Variants in SLC44A1 observed in about 807,000 individuals in gnomAD.
SLC44A1 encodes solute carrier family 44 member 1.
Under a neutral mutation model 79.3 loss-of-function variants are expected in SLC44A1, and 26 were observed. The observed-to-expected ratio is 0.33, with a 90% CI of 0.24 to 0.46. The LOEUF (loss-of-function observed/expected upper bound fraction) is 0.46, where lower values mean the gene tolerates loss of function less well. Ranked by LOEUF, SLC44A1 falls within the 20% of genes least tolerant of loss-of-function variation. The pLI is 1.00. For synonymous variants in SLC44A1, 263 were observed against 286.2 expected, an observed-to-expected ratio of 0.92 and a Z score of 0.82; for missense variants, 688 against 798.1, an observed-to-expected ratio of 0.86 and a Z score of 1.66.
At chr9:105,247,839 G>A (rs897595458) in intron 1 of SLC44A1, among the ~76,000 whole-genome samples, 1 of 152,200 alleles carries the variant, frequency 6.6e-6, no homozygotes, top group Non-Finnish European at 1.5e-5. Flanking sequence ...CCCATCTACT[G>A]TTTGTAAATT....
In SLC44A1 at chr9:105,397,125, G is replaced by A; in HGVS notation, c.*8069G>A. 1.0e-6 allele frequency: 1 copy of A among 985,374 alleles called. No homozygotes were observed. The allele number at this position is 985,374 out of a possible 1,614,324, so 61.0% of individuals were successfully genotyped here. ...ATTAACTTCCAAGAGCTCTGAATTG[G>A]ATGGAATTCCATCTGGCTTCAGAGA... On this transcript the variant is annotated 3_prime_UTR_variant, in exon 16 of 16. Coordinates refer to ENST00000374720, the MANE Select transcript of SLC44A1 (RefSeq NM_080546.5).
At chr9:105,408,686 C>T (rs1451798962) in intron 15 of SLC44A1, among the ~76,000 whole-genome samples, 1 of 152,208 alleles carries the variant, frequency 6.6e-6, no homozygotes, top group African/African-American at 2.4e-5. Context: ...GCTGGGATTA[C>T]AGGCGTGAGC....
intron 1 of SLC44A1, among the ~76,000 whole-genome samples, chr9:105,251,036 C>T (rs1829572262): frequency 6.6e-6 from 1 of 152,140 alleles, no homozygotes; most frequent in South Asian, 2.1e-4. Flanking sequence ...GTAATTTCAT[C>T]CCTCGTATGG....
chr9:105,287,380 A>G lies in SLC44A1; in HGVS notation c.37-11840A>G, dbSNP rs1363190107. Among the ~76,000 whole-genome samples, 5 of 152,218 alleles carry G rather than the reference A, an allele frequency of 3.3e-5. No homozygotes were observed. In the East Asian group the frequency reaches 5.8e-4, roughly 18 times the overall value. On this transcript the variant is annotated intron_variant, in intron 1 of 15. Transcript: ENST00000374720. ...TTACTATTAATTTGTTTCTTACACA[A>G]TTGTCTATAAAACTGTGTACTCATT...
intron 13 of SLC44A1, among the ~76,000 whole-genome samples, chr9:105,380,408 C>T (rs1032419779): frequency 2.0e-5 from 3 of 151,850 alleles, no homozygotes; most frequent in African/African-American, 4.8e-5. Flanking sequence ...TCTTGAAGTC[C>T]TGGGCTCAAG....
Position 105,348,459 on chromosome 9 carries a change from T to G in SLC44A1, c.500+8T>G. 1 of 1,536,862 alleles carries G rather than the reference T, an allele frequency of 6.5e-7. No homozygotes were observed. The highest frequency in any genetic ancestry group is 1.1e-5 in the South Asian group (1 of 89,364). ...ACTACCAGTTCCAGCGAGGTAAATT[T>G]TATTGCAAAGTTGTTAACTTGTGAC... On this transcript the variant is annotated splice_region_variant and intron_variant, in intron 5 of 15. Coordinates refer to ENST00000374720, the MANE Select transcript of SLC44A1 (RefSeq NM_080546.5).
chr9:105,390,850 A>G lies in SLC44A1; in HGVS notation c.*1794A>G. The stretch of plus-strand genomic sequence containing the variant: ...TCTGGGAAACCAACATTGCGAGAGT[A>G]GCTATTTTGAAAGAATAATTCTCCA... On this transcript the variant is annotated 3_prime_UTR_variant, in exon 16 of 16. Transcript: ENST00000374720. The G allele has an allele frequency of 1.0e-6, 1 of 985,762 alleles. No homozygotes were observed. The highest frequency in any genetic ancestry group is 1.2e-6 in the Non-Finnish European group (1 of 829,878). 61.1% of individuals were successfully genotyped at this position (985,762 alleles called of 1,614,324 possible).
At chr9:105,303,309 T>C (rs1830930353) in intron 2 of SLC44A1, among the ~76,000 whole-genome samples, 1 of 151,916 alleles carries the variant, frequency 6.6e-6, no homozygotes, top group Non-Finnish European at 1.5e-5. Context: ...CTTCATTCTG[T>C]CTCAAGGAGA....
intron 3 of SLC44A1, among the ~76,000 whole-genome samples, chr9:105,318,458 G>A (rs1826274599): frequency 1.3e-5 from 2 of 152,236 alleles, no homozygotes; most frequent in Non-Finnish European, 2.9e-5. Flanking sequence ...GGGATTATAG[G>A]CGTGAGCCAC....
At chr9:105,374,372 A>G (rs77610408) in intron 12 of SLC44A1, among the ~76,000 whole-genome samples, 12,387 of 152,264 alleles carry the variant, frequency 0.081, 612 homozygotes, top group African/African-American at 0.13. Flanking sequence ...ATAAATAACA[A>G]TGTTTTTAAA....
rs1324276862 is a variant in SLC44A1, at chr9:105,246,411, C to CT, written c.36+1517dup. On this transcript the variant is annotated intron_variant, in intron 1 of 15. Coordinates refer to ENST00000374720, the MANE Select transcript of SLC44A1 (RefSeq NM_080546.5). ...TTTTGAGTGTTTGCTTACCCGTTAGCTTTTTTTTTTCCTGCTAGCATTATA... is the reference window on the plus strand; with the variant it reads ...TTTTGAGTGTTTGCTTACCCGTTAGCTTTTTTTTTTTCCTGCTAGCATTATA... Among the ~76,000 whole-genome samples the CT allele has an allele frequency of 1.2e-3, 161 of 135,320 alleles. 1 individual carries two copies. The highest frequency in any genetic ancestry group is 3.8e-3 in the African/African-American group (137 of 36,516). 88.8% of individuals were successfully genotyped at this position (135,320 alleles called of 152,430 possible).
intron 15 of SLC44A1, among the ~76,000 whole-genome samples, chr9:105,421,586 T>TTC (rs1285798395): frequency 6.7e-6 from 1 of 149,682 alleles, no homozygotes; most frequent in Non-Finnish European, 1.5e-5. Flanking sequence ...AAATCTCTTT[T>TTC]TTTTTTTTTT....
At chr9:105,359,375 A>G (rs1383835149) in intron 7 of SLC44A1, among the ~76,000 whole-genome samples, 1 of 152,188 alleles carries the variant, frequency 6.6e-6, no homozygotes, top group South Asian at 2.1e-4. Context: ...AAAAAAACCA[A>G]TGGAACAGAA....
intron 15 of SLC44A1, among the ~76,000 whole-genome samples, chr9:105,428,691 T>C (rs1318169642): frequency 6.6e-6 from 1 of 152,164 alleles, no homozygotes; most frequent in Non-Finnish European, 1.5e-5. Context: ...ATGATATCGA[T>C]GAAGTTATTC....
At position 105,391,139 on chromosome 9, in the gene SLC44A1, T is replaced by C; in HGVS notation, c.*2083T>C. The C allele has an allele frequency of 3.0e-6, 3 of 985,684 alleles. No individual in the cohort carries two copies. Among genetic ancestry groups the C allele is most frequent in the Non-Finnish European group, 3.6e-6 (3 of 829,886 alleles). The allele number at this position is 985,684 out of a possible 1,614,324, so 61.1% of individuals were successfully genotyped here. The stretch of plus-strand genomic sequence containing the variant: ...TCCAGGAGCTAGCAATTTTAAGAGG[T>C]GTCCCTCCAAAGTGACCTGATGGAA... On this transcript the variant is annotated 3_prime_UTR_variant, in exon 16 of 16. Transcript: ENST00000374720.
At position 105,396,343 on chromosome 9, in the gene SLC44A1, G is replaced by T. The variant is rs1828874363; in HGVS notation, c.*7287G>T. On this transcript the variant is annotated 3_prime_UTR_variant, in exon 16 of 16. Transcript: ENST00000374720. Reference sequence around the variant, plus strand: ...AGGAGAAAAAAACTTTAACAAAAAGGCAGGGAGAAAAGTGTGAAGGGCATC... The same window carrying T: ...AGGAGAAAAAAACTTTAACAAAAAGTCAGGGAGAAAAGTGTGAAGGGCATC... 2.0e-6 allele frequency: 2 copies of T among 985,320 alleles called. No homozygotes were observed. The highest frequency in any genetic ancestry group is 2.4e-6 in the Non-Finnish European group (2 of 829,898). The allele number at this position is 985,320 out of a possible 1,614,324, so 61.0% of individuals were successfully genotyped here.
chr9:105,297,563 A>G (rs557567774), intron 1 of SLC44A1, among the ~76,000 whole-genome samples: 1 of 152,166 alleles, frequency 6.6e-6, no homozygotes, highest in East Asian at 1.9e-4. Context: ...TTGTATTTTT[A>G]GTAGAGACGG....
chr9:105,421,748 C>T (rs907930721), intron 15 of SLC44A1, among the ~76,000 whole-genome samples: 5 of 152,022 alleles, frequency 3.3e-5, no homozygotes, highest in African/African-American at 4.8e-5. Flanking sequence ...CCACGGCGCC[C>T]GGCTAATTTT....
intron 4 of SLC44A1, among the ~76,000 whole-genome samples, chr9:105,345,409 C>T (rs1209073538): frequency 6.6e-6 from 1 of 152,054 alleles, no homozygotes; most frequent in Non-Finnish European, 1.5e-5. Context: ...CAAAGATGTT[C>T]TTTTTGAGGT....
Sources: gnomAD v4.1 joint callset for allele counts (sites outside exome capture counted in the v4.1 genomes callset) on GRCh38, gnomAD v4.1.1 for gene constraint, MANE v1.5 for transcripts, NCBI Gene and HGNC (gene_info 2026-07-23, HGNC 2026-07-21) for gene names.